NCAM2: variants seen among roughly 807,000 people sequenced by gnomAD.
NCAM2 encodes N-CAM-2.
In NCAM2, 30 loss-of-function variants were observed where a neutral mutation model predicts 98.1. The ratio of observed to expected loss-of-function variants is 0.31; its 90% CI spans 0.23 to 0.41. The LOEUF is 0.41. Among genes scored for constraint, NCAM2 ranks in the 10% least tolerant of loss-of-function variants. NCAM2 has a pLI of 1.00. For missense variants in NCAM2, 867 were observed against 1,005.8 expected (o/e 0.86, Z 1.87); for synonymous variants, 368 against 342.4 (o/e 1.07, Z -0.83).
At chr21:21,349,236 A>T (rs1121153) in intron 8 of NCAM2, among the ~76,000 whole-genome samples, 8,530 of 152,254 alleles carry the variant, frequency 0.056, 351 homozygotes, top group Middle Eastern at 0.089. Context: ...CTATAGAAAA[A>T]ATATAATTAT....
chr21:21,062,982 C>T (rs62209024), intron 1 of NCAM2, among the ~76,000 whole-genome samples: 1 of 151,914 alleles, frequency 6.6e-6, no homozygotes, highest in Non-Finnish European at 1.5e-5. Context: ...TAATGCAATT[C>T]ATGCTGGATA....
intron 1 of NCAM2, among the ~76,000 whole-genome samples, chr21:21,106,314 CAAAA>C (rs202018731): frequency 2.9e-5 from 3 of 103,462 alleles, no homozygotes; most frequent in African/African-American, 4.5e-5. Flanking sequence ...GTCTCAAAAG[CAAAA>C]AAAAAAAAAA....
chr21:21,315,859 CA>C (rs2147748995), intron 5 of NCAM2, among the ~76,000 whole-genome samples: 1 of 152,178 alleles, frequency 6.6e-6, no homozygotes, highest in East Asian at 1.9e-4. Context: ...ATATTCTATC[CA>C]AATATATTGG....
At chr21:21,317,428 A>G (rs2074253530) in intron 5 of NCAM2, among the ~76,000 whole-genome samples, 1 of 152,202 alleles carries the variant, frequency 6.6e-6, no homozygotes, top group Admixed American at 6.5e-5. Context: ...AATGAGTACT[A>G]CCAACTCTAA....
intron 1 of NCAM2, among the ~76,000 whole-genome samples, chr21:21,262,273 G>A (rs1176286119): frequency 6.6e-6 from 1 of 152,018 alleles, no homozygotes; most frequent in Non-Finnish European, 1.5e-5. Context: ...CATTCTACCA[G>A]ATGTACAAAG....
chr21:21,452,328 A>G (rs1278529340), intron 12 of NCAM2, among the ~76,000 whole-genome samples: 1 of 127,450 alleles, frequency 7.8e-6, no homozygotes, highest in African/African-American at 2.7e-5. Flanking sequence ...ATGTCCATTC[A>G]TTTAATTTAA....
chr21:20,998,629 G>A lies in NCAM2; in HGVS notation c.55+11G>A, dbSNP rs1359902301. The A allele has an allele frequency of 8.7e-6, 14 of 1,613,436 alleles. No individual in the cohort carries two copies. Among genetic ancestry groups the A allele is most frequent in the Non-Finnish European group, 1.2e-5 (14 of 1,179,548 alleles). The stretch of plus-strand genomic sequence containing the variant: ...TCAGTAGCGGGCAAGGTAGGAGTGT[G>A]GCGCTTTATTGCATTTACTTTCCCT... On this transcript the variant is annotated intron_variant, in intron 1 of 17. Transcript: ENST00000400546.
chr21:21,198,184 A>ATGTGTGTGTG (rs10600265), intron 1 of NCAM2, among the ~76,000 whole-genome samples: 1 of 146,242 alleles, frequency 6.8e-6, no homozygotes, highest in African/African-American at 2.5e-5. Context: ...TGTAAAGTAT[A>ATGTGTGTGTG]TGTGTGTGTG....
chr21:21,170,261 C>T (rs1413531709), intron 1 of NCAM2, among the ~76,000 whole-genome samples: 3 of 152,106 alleles, frequency 2.0e-5, no homozygotes, highest in African/African-American at 7.2e-5. Flanking sequence ...TGGTATTACC[C>T]ATATTAATTA....
At chr21:21,157,673 C>T (rs1027871605) in intron 1 of NCAM2, among the ~76,000 whole-genome samples, 3 of 151,998 alleles carry the variant, frequency 2.0e-5, no homozygotes, top group Non-Finnish European at 2.9e-5. Context: ...TAAAAAAAAA[C>T]TTCGTAAAAC....
intron 1 of NCAM2, among the ~76,000 whole-genome samples, chr21:21,080,739 G>A (rs2146403226): frequency 6.7e-6 from 1 of 150,128 alleles, no homozygotes; most frequent in African/African-American, 2.5e-5. Flanking sequence ...AGAATTATTC[G>A]GGTAAATTTC....
intron 1 of NCAM2, among the ~76,000 whole-genome samples, chr21:21,159,850 C>G (rs1379164381): frequency 6.6e-6 from 1 of 151,168 alleles, no homozygotes; most frequent in African/African-American, 2.5e-5. Flanking sequence ...GTGGTTTAAA[C>G]ATTTATAATG....
intron 9 of NCAM2, among the ~76,000 whole-genome samples, chr21:21,382,605 T>C (rs2148099394): frequency 6.7e-6 from 1 of 150,358 alleles, no homozygotes; most frequent in Non-Finnish European, 1.5e-5. Flanking sequence ...AACCTTCACC[T>C]CCTGGGTTCA....
At chr21:21,475,941 T>G (rs1985109758) in intron 14 of NCAM2, among the ~76,000 whole-genome samples, 1 of 152,186 alleles carries the variant, frequency 6.6e-6, no homozygotes, top group Non-Finnish European at 1.5e-5. Context: ...ACTAGTATGT[T>G]ATCAAAATTA....
intron 8 of NCAM2, among the ~76,000 whole-genome samples, chr21:21,368,255 A>G (rs1483129169): frequency 6.6e-6 from 1 of 151,952 alleles, no homozygotes; most frequent in Non-Finnish European, 1.5e-5. Context: ...GGTCTGTGAC[A>G]GAATGCAAGA....
At chr21:21,412,033 C>T (rs2076896984) in intron 10 of NCAM2, among the ~76,000 whole-genome samples, 1 of 152,182 alleles carries the variant, frequency 6.6e-6, no homozygotes, top group Non-Finnish European at 1.5e-5. Flanking sequence ...TTAGATTTAA[C>T]TTGTTTTGTG....
At chr21:21,485,578 A>C (rs1986280059) in intron 15 of NCAM2, among the ~76,000 whole-genome samples, 1 of 152,220 alleles carries the variant, frequency 6.6e-6, no homozygotes, top group Non-Finnish European at 1.5e-5. Flanking sequence ...CATTATGTGA[A>C]TATGCAATTT....
rs190124746 is a variant in NCAM2, at chr21:21,261,340, A to G, written c.56-19238A>G. Among the ~76,000 whole-genome samples, 5 of 152,280 alleles carry G rather than the reference A, an allele frequency of 3.3e-5. No individual in the cohort carries two copies. The East Asian group carries it at 9.7e-4, about 29-fold the overall frequency. ...GGACGTAAATTGGACTGTTGACAAAATGTACCTAATAGATATCTACAAAAC... is the reference window on the plus strand; with the variant it reads ...GGACGTAAATTGGACTGTTGACAAAGTGTACCTAATAGATATCTACAAAAC... On this transcript the variant is annotated intron_variant, in intron 1 of 17. Coordinates refer to ENST00000400546, the MANE Select transcript of NCAM2 (RefSeq NM_004540.5).
chr21:21,506,372 A>T (rs1385953838), intron 15 of NCAM2, among the ~76,000 whole-genome samples: 1 of 152,140 alleles, frequency 6.6e-6, no homozygotes, highest in Non-Finnish European at 1.5e-5. Flanking sequence ...ATTTCACTGT[A>T]TTGTAATGAT....
Sources: gnomAD v4.1 joint callset for allele counts (sites outside exome capture counted in the v4.1 genomes callset) on GRCh38, gnomAD v4.1.1 for gene constraint, MANE v1.5 for transcripts, NCBI Gene and HGNC (gene_info 2026-07-23, HGNC 2026-07-21) for gene names.